COL5A1: variants seen among roughly 807,000 people sequenced by gnomAD.
COL5A1 encodes the protein collagen type V alpha 1 chain.
COL5A1 carries 16 observed loss-of-function variants against 263.7 expected under a neutral mutation model. The ratio of observed to expected loss-of-function variants is 0.06; its 90% CI spans 0.04 to 0.09. The LOEUF (loss-of-function observed/expected upper bound fraction) is 0.09. Among genes scored for constraint, COL5A1 ranks in the 10% least tolerant of loss-of-function variants. The pLI, the probability that COL5A1 is intolerant of heterozygous loss-of-function variation, is 1.00. For missense variants in COL5A1, 2,036 were observed against 2,540.5 expected (o/e 0.80, Z 4.27); for synonymous variants, 1,012 against 1,004.5 (o/e 1.01, Z -0.14).
intron 46 of COL5A1, among the ~76,000 whole-genome samples, chr9:134,812,202 G>A (rs891232206): frequency 3.3e-5 from 5 of 152,130 alleles, no homozygotes; most frequent in Admixed American, 1.3e-4. Flanking sequence ...AGGCTTTATT[G>A]TTTTATGGGT....
At chr9:134,707,529 ACC>A (rs1833879856) in intron 4 of COL5A1, among the ~76,000 whole-genome samples, 1 of 151,548 alleles carries the variant, frequency 6.6e-6, no homozygotes, top group Non-Finnish European at 1.5e-5. Context: ...CCACGGAGGC[ACC>A]CTGGGATTCC....
chr9:134,822,066 G>T lies in COL5A1; in HGVS notation c.4555-31G>T, dbSNP rs777333501. The T allele has an allele frequency of 1.9e-6, 3 of 1,607,958 alleles. No individual in the cohort carries two copies. In the African/African-American group the frequency reaches 4.0e-5, roughly 22 times the overall value. ...CCCCGCAGCTCCTCCTCGTCTGAAGGTGATAACCTGCATTTTCTGGTCCTT... is the reference window on the plus strand; with the variant it reads ...CCCCGCAGCTCCTCCTCGTCTGAAGTTGATAACCTGCATTTTCTGGTCCTT... On this transcript the variant is annotated intron_variant, in intron 58 of 65. Coordinates refer to ENST00000371817, the MANE Select transcript of COL5A1 (RefSeq NM_000093.5).
intron 63 of COL5A1, among the ~76,000 whole-genome samples, chr9:134,827,155 C>G (rs1001919615): frequency 2.6e-5 from 4 of 152,240 alleles, no homozygotes; most frequent in Admixed American, 6.5e-5. Flanking sequence ...CCTGCAGCCT[C>G]TGCTTCCTAA....
intron 65 of COL5A1, among the ~76,000 whole-genome samples, chr9:134,838,034 G>A (rs1839904648): frequency 6.6e-6 from 1 of 152,188 alleles, no homozygotes; most frequent in African/African-American, 2.4e-5. Flanking sequence ...AGAGTCTCAG[G>A]ATGAGGAAGC....
rs1835290753 is a variant in COL5A1 at position 134,741,195 on chromosome 9, T to C, written c.1494+2387T>C. 6.6e-6 allele frequency among the ~76,000 whole-genome samples: 1 copy of C among 152,342 alleles called. No individual in the cohort carries two copies. The highest frequency in any genetic ancestry group is 6.5e-5 in the Admixed American group (1 of 15,294). On this transcript the variant is annotated intron_variant, in intron 11 of 65. Coordinates refer to ENST00000371817, the MANE Select transcript of COL5A1 (RefSeq NM_000093.5). The surrounding 1 kb of genome is among the most constrained non-coding windows in gnomAD (Gnocchi z 4.5). ...CAGCCTGCGGTGGGCCGGGCTCAGG[T>C]GCCTGTGCGGCGGAGAAACAACATT...
intron 4 of COL5A1, among the ~76,000 whole-genome samples, chr9:134,712,881 C>A (rs1225820423): frequency 6.6e-6 from 1 of 151,956 alleles, no homozygotes; most frequent in Non-Finnish European, 1.5e-5. Context: ...TTTCCAGGTG[C>A]CCCCAGCCCA....
At chr9:134,689,565 G>T (rs1383528446) in intron 1 of COL5A1, among the ~76,000 whole-genome samples, 1 of 152,216 alleles carries the variant, frequency 6.6e-6, no homozygotes, top group Non-Finnish European at 1.5e-5. Flanking sequence ...CTCTCCACCT[G>T]CTCAGGAGAC....
Position 134,756,849 on chromosome 9 carries a change from G to T in COL5A1, c.1881+31G>T. 3 of 1,605,648 alleles carry T rather than the reference G, an allele frequency of 1.9e-6. No homozygotes were observed. The African/African-American group carries it at 4.0e-5, about 21-fold the overall frequency. On this transcript the variant is annotated intron_variant, in intron 17 of 65. Coordinates refer to ENST00000371817, the MANE Select transcript of COL5A1 (RefSeq NM_000093.5). ...TCACCCACCACCCTCCTGGTGCCCT[G>T]GCATCACTGTCATCCCTGGGGTCAT... is the stretch of plus-strand genomic sequence containing the variant.
intron 4 of COL5A1, among the ~76,000 whole-genome samples, chr9:134,723,741 A>G (rs1253091521): frequency 2.0e-5 from 3 of 152,156 alleles, no homozygotes; most frequent in Non-Finnish European, 4.4e-5. Flanking sequence ...TGGCCAGGCT[A>G]TGGCACAGTA....
chr9:134,735,888 G>A (rs1474105332), intron 9 of COL5A1, among the ~76,000 whole-genome samples: 1 of 152,284 alleles, frequency 6.6e-6, no homozygotes, highest in African/African-American at 2.4e-5. Context: ...CAGGATGGGA[G>A]GGGTGGGGAG....
Position 134,738,477 on chromosome 9 carries a change from A to G in COL5A1, c.1393A>G (p.Met465Val), listed in dbSNP as rs1157549442. 3.1e-6 allele frequency: 5 copies of G among 1,614,024 alleles called. No homozygotes were observed. The highest frequency in any genetic ancestry group is 4.2e-6 in the Non-Finnish European group (5 of 1,180,026). ...CGCCCTCTCTCTGTCTCCCCAGGGC[A>G]TGCTCATCGAGGGCCCGCCTGGCCC... ...KGEPAIIEPG[M>V]LIEGPPGPEG... Residue 465 changes from methionine to valine, a missense_variant, in exon 10 of 66, where the codon ATG (methionine) becomes GTG (valine). Met to Val is a conservative substitution (Grantham distance 21, BLOSUM62 1). Coordinates refer to ENST00000371817, the MANE Select transcript of COL5A1 (RefSeq NM_000093.5).
At chr9:134,834,741 T>C (rs2132924634) in intron 64 of COL5A1, among the ~76,000 whole-genome samples, 1 of 151,384 alleles carries the variant, frequency 6.6e-6, no homozygotes, top group East Asian at 2.0e-4. Flanking sequence ...GAGAAGTGGG[T>C]GGATTATTTA....
rs1287472502 is a variant in COL5A1 at position 134,756,531 on chromosome 9, G to A, written c.1828-234G>A. ...TCCCCCTTTGACAGTCTGGGATGAC[G>A]TGGTCCGGAAAGACCAGCCCCGTGT... On this transcript the variant is annotated intron_variant, in intron 16 of 65. Coordinates refer to ENST00000371817, the MANE Select transcript of COL5A1 (RefSeq NM_000093.5). 5.9e-5 allele frequency among the ~76,000 whole-genome samples: 9 copies of A among 152,338 alleles called. No homozygotes were observed. The South Asian group carries it at 1.2e-3, about 21-fold the overall frequency.
intron 64 of COL5A1, among the ~76,000 whole-genome samples, chr9:134,830,743 A>G (rs1407683402): frequency 6.6e-6 from 1 of 152,192 alleles, no homozygotes; most frequent in Non-Finnish European, 1.5e-5. Context: ...TCCATCCCTG[A>G]AAGGAAACGA....
chr9:134,747,005 C>T (rs545402391), intron 11 of COL5A1, among the ~76,000 whole-genome samples: 1 of 152,256 alleles, frequency 6.6e-6, no homozygotes, highest in East Asian at 1.9e-4. Context: ...AAAGTCTTTA[C>T]GTTAGAGACC....
rs750386659 is a variant in COL5A1, at chr9:134,824,794, G to A, written c.4893G>A (p.Thr1631=). Reference sequence around the variant, plus strand: ...AGCAGATGAAACGGCCCCTGGGCACGCAGCAGAACCCCGCCCGCACCTGCA... The same window carrying A: ...AGCAGATGAAACGGCCCCTGGGCACACAGCAGAACCCCGCCCGCACCTGCA... ...EIEQMKRPLG[T]QQNPARTCKD... Residue 1631 remains threonine, a synonymous_variant, in exon 62 of 66, where the codon ACG becomes ACA. Transcript: ENST00000371817. The A allele has an allele frequency of 3.7e-6, 6 of 1,614,072 alleles. No homozygotes were observed. Among genetic ancestry groups the A allele is most frequent in the Admixed American group, 1.7e-5 (1 of 60,032 alleles).
chr9:134,745,515 C>A (rs918414868), intron 11 of COL5A1, among the ~76,000 whole-genome samples: 1 of 152,232 alleles, frequency 6.6e-6, no homozygotes, highest in African/African-American at 2.4e-5. Context: ...GGATAAAGAG[C>A]CCCTCCTGTG....
chr9:134,841,313 A>G lies in COL5A1; in HGVS notation c.5371-844A>G. On this transcript the variant is annotated intron_variant, in intron 65 of 65. Coordinates refer to ENST00000371817, the MANE Select transcript of COL5A1 (RefSeq NM_000093.5). This position sits in a 1 kb window ranked among gnomAD's most constrained non-coding sequence, Gnocchi z 4.8. The stretch of plus-strand genomic sequence containing the variant: ...GGGAAGTTGACGGGACAGCAGGGCC[A>G]GCTCAGCCTCAGTTATAAAGAACAC... 6.6e-6 allele frequency among the ~76,000 whole-genome samples: 1 copy of G among 152,188 alleles called. No individual in the cohort carries two copies. Among genetic ancestry groups the G allele is most frequent in the East Asian group, 1.9e-4 (1 of 5,180 alleles).
intron 1 of COL5A1, among the ~76,000 whole-genome samples, chr9:134,654,610 A>C (rs866627130): frequency 8.0e-5 from 1 of 12,490 alleles, no homozygotes; most frequent in African/African-American, 3.6e-4. Flanking sequence ...TGTAGGGCTG[A>C]GGGTGTGTAG....
Sources: allele counts gnomAD v4.1 joint callset (sites outside exome capture counted in the v4.1 genomes callset), GRCh38; gene constraint gnomAD v4.1.1; non-coding constraint Gnocchi (gnomAD v3.1); transcripts MANE v1.5; gene names NCBI Gene and HGNC (gene_info 2026-07-23, HGNC 2026-07-21).